The following AGMO variants were observed in gnomAD, a reference collection of about 807,000 sequenced individuals.
AGMO encodes glyceryl-ether monooxygenase.
A neutral mutation model predicts 60.2 loss-of-function variants in AGMO; 75 were observed. The observed-to-expected ratio is 1.25, with a 90% CI of 1.03 to 1.51. The LOEUF is 1.51. Among genes scored for constraint, AGMO ranks in the 40% most tolerant of loss-of-function variants. The pLI, the probability that AGMO is intolerant of heterozygous loss-of-function variation, is 0.00. For missense variants in AGMO, 763 were observed against 525.5 expected (o/e 1.45, Z -4.42); for synonymous variants, 261 against 177.1 (o/e 1.47, Z -3.76).
At chr7:15,235,654 A>G (rs1238305274) in intron 12 of AGMO, among the ~76,000 whole-genome samples, 9 of 152,134 alleles carry the variant, frequency 5.9e-5, no homozygotes, top group Admixed American at 3.3e-4. Flanking sequence ...TAGATCCTAA[A>G]GAAAGAAAAT....
the AGMO span, among the ~76,000 whole-genome samples, chr7:15,140,680 G>T: frequency 6.6e-6 from 1 of 151,816 alleles, no homozygotes; most frequent in Admixed American, 6.6e-5. Context: ...ATATATTAAG[G>T]TTTTGATTAT....
At chr7:15,320,957 A>G (rs1781091016) in intron 12 of AGMO, among the ~76,000 whole-genome samples, 1 of 152,280 alleles carries the variant, frequency 6.6e-6, no homozygotes, top group African/African-American at 2.4e-5. Context: ...TGTCTGAAAT[A>G]CTTTTGTAAG....
At chr7:15,373,835 T>G (rs1783334694) in intron 10 of AGMO, among the ~76,000 whole-genome samples, 1 of 152,230 alleles carries the variant, frequency 6.6e-6, no homozygotes, top group Admixed American at 6.5e-5. Context: ...GTAGTTTCTC[T>G]AAAAGGTGCC....
At chr7:15,415,922 CA>C (rs1780754814) in intron 5 of AGMO, among the ~76,000 whole-genome samples, 2 of 150,908 alleles carry the variant, frequency 1.3e-5, no homozygotes, top group Admixed American at 6.6e-5. Context: ...AAAATATAAT[CA>C]AAAAAATTAA....
chr7:15,227,610 T>G (rs1782126856), intron 12 of AGMO, among the ~76,000 whole-genome samples: 1 of 151,208 alleles, frequency 6.6e-6, no homozygotes, highest in African/African-American at 2.4e-5. Context: ...CCAACTGGAG[T>G]CTGCACAAAA....
At chr7:15,356,622 C>T (rs1485280014) in intron 12 of AGMO, among the ~76,000 whole-genome samples, 1 of 151,940 alleles carries the variant, frequency 6.6e-6, no homozygotes, top group Admixed American at 6.6e-5. Context: ...ATCACACAGA[C>T]AGCAGATAAT....
intron 3 of AGMO, among the ~76,000 whole-genome samples, chr7:15,526,790 T>C (rs1784140374): frequency 6.6e-6 from 1 of 152,222 alleles, no homozygotes; most frequent in African/African-American, 2.4e-5. Flanking sequence ...AGCAATTTTA[T>C]CACCACCATT....
intron 12 of AGMO, among the ~76,000 whole-genome samples, chr7:15,250,146 T>C (rs1271736986): frequency 6.6e-6 from 1 of 152,132 alleles, no homozygotes; most frequent in African/African-American, 2.4e-5. Flanking sequence ...AACCCAAATT[T>C]CATATTGTTG....
chr7:15,511,417 A>G (rs1783671576), intron 3 of AGMO, among the ~76,000 whole-genome samples: 1 of 152,150 alleles, frequency 6.6e-6, no homozygotes, highest in African/African-American at 2.4e-5. Flanking sequence ...GACTTTGAAC[A>G]AAACAACTTT....
chr7:15,493,362 C>CACACATT (rs71004386), intron 3 of AGMO, among the ~76,000 whole-genome samples: 1 of 102,264 alleles, frequency 9.8e-6, no homozygotes, highest in Non-Finnish European at 1.8e-5. Flanking sequence ...CACACACACA[C>CACACATT]TTCTTTTTTT....
At chr7:15,292,223 T>G (rs1403830905) in intron 12 of AGMO, among the ~76,000 whole-genome samples, 1 of 152,098 alleles carries the variant, frequency 6.6e-6, no homozygotes. Flanking sequence ...AACATTTGAA[T>G]CAGCTGGGGA....
chr7:15,253,738 C>G (rs1359923666), intron 12 of AGMO, among the ~76,000 whole-genome samples: 2 of 152,006 alleles, frequency 1.3e-5, no homozygotes, highest in African/African-American at 4.8e-5. Flanking sequence ...TTGAAATATA[C>G]AATCCGTTAT....
Position 15,305,231 on chromosome 7 carries a change from C to G in AGMO, c.1263+60283G>C, listed in dbSNP as rs550051721. On this transcript the variant is annotated intron_variant, in intron 12 of 12. Coordinates refer to ENST00000342526, the MANE Select transcript of AGMO (RefSeq NM_001004320.2). ...GCAAGGACAAGGCAACCTTGTCAGG[C>G]AATCTGGTTAAAAAAAAAAAAAAAA... Among the ~76,000 whole-genome samples, 7 of 130,318 alleles carry G rather than the reference C, an allele frequency of 5.4e-5. No homozygotes were observed. In the East Asian group the frequency reaches 1.5e-3, roughly 28 times the overall value. The allele number at this position is 130,318 out of a possible 152,430, so 85.5% of individuals were successfully genotyped here.
intron 3 of AGMO, among the ~76,000 whole-genome samples, chr7:15,532,122 C>G (rs1784384536): frequency 6.6e-6 from 1 of 152,096 alleles, no homozygotes. Context: ...TTCATCTATC[C>G]TAGTGTAGGT....
At chr7:15,136,635 G>A in the AGMO span, among the ~76,000 whole-genome samples, 2 of 152,040 alleles carry the variant, frequency 1.3e-5, no homozygotes, top group African/African-American at 4.8e-5. Context: ...CTGCATGAAG[G>A]AAAAATAACG....
the AGMO span, among the ~76,000 whole-genome samples, chr7:15,157,949 C>T: frequency 6.6e-6 from 1 of 152,174 alleles, no homozygotes; most frequent in Admixed American, 6.5e-5. Flanking sequence ...GATTCTGGGG[C>T]TCTTGCCTTG....
In AGMO at chr7:15,369,612, A is replaced by G. The variant is rs57370037; in HGVS notation, c.1075-3390T>C. On this transcript the variant is annotated intron_variant, in intron 10 of 12. Transcript: ENST00000342526. ...CTCCGACACAAAATAGTACTTCTCC[A>G]TAACTCTCTGTAACCATTTTCTGTT... Among the ~76,000 whole-genome samples the G allele has an allele frequency of 2.3e-3, 346 of 152,202 alleles. 1 individual carries two copies. Among genetic ancestry groups the G allele is most frequent in the African/African-American group, 7.8e-3 (326 of 41,544 alleles).
chr7:15,442,597 T>G (rs1562509674), intron 3 of AGMO, among the ~76,000 whole-genome samples: 1 of 152,144 alleles, frequency 6.6e-6, no homozygotes. Flanking sequence ...CTTGCTCTTT[T>G]TGTTTTTTGA....
chr7:15,395,445 A>G (rs918749594), intron 5 of AGMO, among the ~76,000 whole-genome samples: 1 of 151,508 alleles, frequency 6.6e-6, no homozygotes, highest in Admixed American at 6.5e-5. Context: ...GGCAAAAAAC[A>G]AAAATTTATA....
Sources: allele counts gnomAD v4.1 joint callset (sites outside exome capture counted in the v4.1 genomes callset), GRCh38; gene constraint gnomAD v4.1.1; transcripts MANE v1.5; gene names NCBI Gene and HGNC (gene_info 2026-07-23, HGNC 2026-07-21).